Variants in IPO9 observed in about 807,000 individuals in gnomAD.
IPO9 encodes the protein importin-9.
A neutral mutation model predicts 128.6 loss-of-function variants in IPO9; 28 were observed. That is an observed-to-expected ratio of 0.22 (90% CI 0.16 to 0.30). The LOEUF (loss-of-function observed/expected upper bound fraction) is 0.30, where lower values mean the gene tolerates loss of function less well. Ranked by LOEUF, IPO9 falls within the 10% of genes least tolerant of loss-of-function variation. The pLI, the probability that IPO9 is intolerant of heterozygous loss-of-function variation, is 1.00. For synonymous variants in IPO9, 455 were observed against 475.8 expected (o/e 0.96, Z 0.57); for missense variants, 935 against 1,293.9 (o/e 0.72, Z 4.26).
rs1006054068 is a variant in IPO9 at position 201,846,592 on chromosome 1, C to T, written c.164-687C>T. On this transcript the variant is annotated intron_variant, in intron 1 of 23. Transcript: ENST00000361565. ...TTTTCACCATCTTGGCCAGGCTGGT[C>T]TTAAACTCCTGACCTTGTGATCCAC... 2.6e-5 allele frequency among the ~76,000 whole-genome samples: 4 copies of T among 152,212 alleles called. No homozygotes were observed. The South Asian group carries it at 6.2e-4, about 24-fold the overall frequency.
intron 4 of IPO9, among the ~76,000 whole-genome samples, chr1:201,851,438 A>C (rs1680215375): frequency 6.6e-6 from 1 of 151,268 alleles, no homozygotes; most frequent in Non-Finnish European, 1.5e-5. Flanking sequence ...GTGCTGTCTC[A>C]GTGCCTTGTG....
chr1:201,847,426 G>C, intron 2 of IPO9, 86 bp downstream of exon 2: 2 of 1,387,624 alleles, frequency 1.4e-6, no homozygotes, highest in Non-Finnish European at 2.0e-6. Flanking sequence ...TAAGGCCAGT[G>C]TATAAATAAC....
intron 15 of IPO9, 27 bp from the exon 16 acceptor site, chr1:201,868,621 G>A: frequency 6.2e-7 from 1 of 1,600,360 alleles, no homozygotes; most frequent in Non-Finnish European, 8.5e-7. Flanking sequence ...CAGGCAGGGG[G>A]ATTCCGTGTT....
intron 20 of IPO9, among the ~76,000 whole-genome samples, chr1:201,873,441 T>C (rs1680698653): frequency 1.3e-5 from 1 of 77,928 alleles, no homozygotes; most frequent in Non-Finnish European, 2.4e-5. Context: ...TGAGACTCCG[T>C]CTCAAAAAAA....
Position 201,874,518 on chromosome 1 carries a change from C to G in IPO9, c.2833+146C>G, listed in dbSNP as rs769949980. On this transcript the variant is annotated intron_variant, in intron 21 of 23. Coordinates refer to ENST00000361565, the MANE Select transcript of IPO9 (RefSeq NM_018085.5). ...TCTGTGGCTGGCACCATGCTAGGCA[C>G]TAGGCATGTAGAGCTGCTTCTCCAG... 126 of 930,316 alleles carry G rather than the reference C, an allele frequency of 1.4e-4. 1 individual carries two copies. Among genetic ancestry groups the G allele is most frequent in the Middle Eastern group, 3.2e-4 (1 of 3,084 alleles). 57.6% of individuals were successfully genotyped at this position (930,316 alleles called of 1,614,324 possible).
chr1:201,854,655 G>A lies in IPO9; in HGVS notation c.751G>A (p.Ala251Thr). The A allele has an allele frequency of 1.2e-6, 2 of 1,614,172 alleles. No homozygotes were observed. The highest frequency in any genetic ancestry group is 2.2e-5 in the East Asian group (1 of 44,890). The change falls in exon 7 of 24, where the codon GCC becomes ACC. Residue 251 changes from alanine (A) to threonine (T), a missense_variant. Physicochemically the swap from Ala to Thr is moderately conservative, Grantham distance 58 (BLOSUM62 0). This residue lies in a region of IPO9 where 741 missense variants were observed against 1,019.1 expected (regional missense o/e 0.73). Transcript: ENST00000361565. ...GCAGTTCACAGAGGCCTTTGTTCAG[G>A]CCCTCCAGATACCAGATGGCCCCAC... The part of the protein sequence containing the change: ...VQQFTEAFVQ[A>T]LQIPDGPTSD...
rs573974889 is a variant in IPO9, at chr1:201,830,133, C to G, written c.163+761C>G. On this transcript the variant is annotated intron_variant, in intron 1 of 23. Transcript: ENST00000361565. ...TTCTATCAATTTCCTGCCGCGTGAGCCTTTCACCGGGTCCAGTGTAGCTAC... is the reference window on the plus strand; with the variant it reads ...TTCTATCAATTTCCTGCCGCGTGAGGCTTTCACCGGGTCCAGTGTAGCTAC... Among the ~76,000 whole-genome samples the G allele has an allele frequency of 1.4e-3, 206 of 152,262 alleles. 1 individual carries two copies. The highest frequency in any genetic ancestry group is 4.7e-3 in the African/African-American group (196 of 41,536).
At chr1:201,858,816 G>C in intron 12 of IPO9, 39 bp from the exon 13 acceptor site, 1 of 1,568,234 alleles carries the variant, frequency 6.4e-7, no homozygotes, top group Non-Finnish European at 8.7e-7. Flanking sequence ...TCTTTTGGCA[G>C]TTTAGTATGT....
At position 201,871,292 on chromosome 1, in the gene IPO9, G is replaced by A; in HGVS notation, c.2541G>A (p.Gln847=). Residue 847 remains glutamine, a synonymous_variant, in exon 19 of 24, where the codon CAG becomes CAA. Transcript: ENST00000361565. ...TGATGGCTGAGTGGACAAGCCGACA[G>A]CACCTGTTCTATGGACAGTATGAAG... ...EFVMAEWTSR[Q]HLFYGQYEGK... The A allele has an allele frequency of 6.3e-7, 1 of 1,595,030 alleles. No individual in the cohort carries two copies. The highest frequency in any genetic ancestry group is 8.6e-7 in the Non-Finnish European group (1 of 1,168,954).
At chr1:201,868,868 T>G (rs1459627695) in intron 16 of IPO9, 72 bp downstream of exon 16, 1 of 1,487,612 alleles carries the variant, frequency 6.7e-7, no homozygotes, top group African/African-American at 1.4e-5. Flanking sequence ...TGCATCTAGC[T>G]GACAAGAACC....
intron 13 of IPO9, among the ~76,000 whole-genome samples, chr1:201,861,912 G>A (rs1285493355): frequency 1.3e-5 from 2 of 152,198 alleles, no homozygotes; most frequent in Non-Finnish European, 2.9e-5. Flanking sequence ...GGTAATGCAA[G>A]GAGGTGAATA....
intron 1 of IPO9, among the ~76,000 whole-genome samples, chr1:201,838,129 A>G (rs988061071): frequency 2.6e-5 from 4 of 152,206 alleles, no homozygotes; most frequent in African/African-American, 9.6e-5. Flanking sequence ...GTGCTTGTAG[A>G]TTATTGTGAA....
chr1:201,869,641 T>C lies in IPO9; in HGVS notation c.2056T>C (p.Ser686Pro), dbSNP rs1680612773. 1.2e-6 allele frequency: 2 copies of C among 1,614,148 alleles called. No homozygotes were observed. Among genetic ancestry groups the C allele is most frequent in the East Asian group, 4.5e-5 (2 of 44,886 alleles). The stretch of plus-strand genomic sequence containing the variant: ...AGTACGAAATACAAAGCCTCCCCTT[T>C]CCCAGCTTCTCATCTGCCAAGCTTT... Reference protein sequence around the residue: ...TVVRNTKPPLSQLLICQAFPA... With the variant: ...TVVRNTKPPLPQLLICQAFPA... The change falls in exon 17 of 24, where the codon TCC (serine) becomes CCC (proline). Residue 686 changes from serine (S) to proline (P), a missense_variant. This residue lies in a region of IPO9 where 741 missense variants were observed against 1,019.1 expected (regional missense o/e 0.73). Transcript: ENST00000361565.
In IPO9 at chr1:201,876,269, T is replaced by C; in HGVS notation, c.*215T>C. The C allele has an allele frequency of 1.5e-6, 1 of 681,876 alleles. No individual in the cohort carries two copies. The highest frequency in any genetic ancestry group is 1.5e-5 in the South Asian group (1 of 65,018). The allele number at this position is 681,876 out of a possible 1,614,324, so 42.2% of individuals were successfully genotyped here. A position where few individuals can be genotyped will look rare whatever the true frequency, so the allele number is the denominator to read the frequency against. On this transcript the variant is annotated 3_prime_UTR_variant, in exon 24 of 24. Coordinates refer to ENST00000361565, the MANE Select transcript of IPO9 (RefSeq NM_018085.5). The stretch of plus-strand genomic sequence containing the variant: ...CAAAGGACATTTCTCAAAGTTCCCC[T>C]GAAGACATGCCATCTCTAGAACCTT...
chr1:201,836,666 G>C (rs992361261), intron 1 of IPO9, among the ~76,000 whole-genome samples: 16 of 152,196 alleles, frequency 1.1e-4, no homozygotes, highest in African/African-American at 3.6e-4. Context: ...ACTCTTAAAT[G>C]GTGAGTGATA....
intron 15 of IPO9, 32 bp downstream of exon 15, chr1:201,866,991 G>A (rs926801646): frequency 5.8e-6 from 9 of 1,541,180 alleles, no homozygotes; most frequent in Non-Finnish European, 8.1e-6. Flanking sequence ...ATTATGAGGG[G>A]CACCAAAGAA....
chr1:201,858,622 GATTT>G, intron 12 of IPO9, 69 bp downstream of exon 12: 1 of 978,474 alleles, frequency 1.0e-6, no homozygotes, highest in East Asian at 2.5e-5. Flanking sequence ...TGAAAGGATG[GATTT>G]ATTTTTATCT....
intron 1 of IPO9, among the ~76,000 whole-genome samples, chr1:201,836,389 GTTTGTTTTTTAA>G (rs1679923198): frequency 6.6e-6 from 1 of 152,034 alleles, no homozygotes; most frequent in Admixed American, 6.6e-5. Context: ...TTGTTTCTTA[GTTTGTTTTTTAA>G]TTGAGACAAG....
chr1:201,850,026 A>C (rs2102875716), intron 4 of IPO9, among the ~76,000 whole-genome samples: 1 of 152,342 alleles, frequency 6.6e-6, no homozygotes, highest in South Asian at 2.1e-4. Context: ...TCAGTCTTCC[A>C]AGATGAAATT....
Sources: allele counts gnomAD v4.1 joint callset (sites outside exome capture counted in the v4.1 genomes callset), GRCh38; gene constraint gnomAD v4.1.1; regional missense constraint gnomAD v4.1.1; transcripts MANE v1.5; gene names NCBI Gene and HGNC (gene_info 2026-07-23, HGNC 2026-07-21).